The following DNER variants were observed in gnomAD, a reference collection of about 807,000 sequenced individuals.
The protein encoded by DNER is delta/notch like EGF repeat containing.
A neutral mutation model predicts 78.2 loss-of-function variants in DNER; 33 were observed. The ratio of observed to expected loss-of-function variants is 0.42; its 90% CI spans 0.32 to 0.56. The LOEUF is 0.56. DNER is among the 20% of genes least tolerant of loss of function. The probability of loss-of-function intolerance (pLI) is 0.11; values close to 1 mark genes in which losing one functional copy is unlikely to be tolerated. For synonymous variants in DNER, 417 were observed against 384.8 expected (o/e 1.08, Z -0.98); for missense variants, 918 against 975.3 (o/e 0.94, Z 0.78).
At chr2:229,366,529 G>A (rs1330592322) in intron 12 of DNER, among the ~76,000 whole-genome samples, 1 of 152,162 alleles carries the variant, frequency 6.6e-6, no homozygotes, top group Non-Finnish European at 1.5e-5. Flanking sequence ...TTGACTGTTT[G>A]AAGAGCAACA....
chr2:229,480,434 A>G (rs1168558672), intron 6 of DNER, among the ~76,000 whole-genome samples: 3 of 152,184 alleles, frequency 2.0e-5, no homozygotes, highest in Non-Finnish European at 4.4e-5. Flanking sequence ...ACTTTAAAAC[A>G]TATTTATTTA....
chr2:229,652,683 A>G (rs1422863252), intron 1 of DNER, among the ~76,000 whole-genome samples: 1 of 152,232 alleles, frequency 6.6e-6, no homozygotes, highest in East Asian at 1.9e-4. Flanking sequence ...GACAGTAGAT[A>G]TTGATGAGCT....
chr2:229,460,660 T>C (rs1694676368), intron 7 of DNER, among the ~76,000 whole-genome samples: 1 of 152,134 alleles, frequency 6.6e-6, no homozygotes, highest in African/African-American at 2.4e-5. Flanking sequence ...GTTTTTAATA[T>C]TCAAGATGCA....
chr2:229,540,527 C>G (rs1696491022), intron 5 of DNER, among the ~76,000 whole-genome samples: 2 of 152,176 alleles, frequency 1.3e-5, no homozygotes, highest in Non-Finnish European at 2.9e-5. Flanking sequence ...TGTCTCCCAA[C>G]TTGGCCACAT....
chr2:229,571,543 C>T (rs900478260), intron 4 of DNER, among the ~76,000 whole-genome samples: 1 of 152,126 alleles, frequency 6.6e-6, no homozygotes, highest in South Asian at 2.1e-4. Flanking sequence ...TCCCCAGCAG[C>T]TTCCATTCTA....
At chr2:229,483,664 A>G (rs1446297787) in intron 6 of DNER, among the ~76,000 whole-genome samples, 3 of 152,178 alleles carry the variant, frequency 2.0e-5, no homozygotes, top group South Asian at 2.1e-4. Context: ...TCTGTGCCCA[A>G]AGGACATTCT....
intron 1 of DNER, among the ~76,000 whole-genome samples, chr2:229,704,527 C>T (rs980250233): frequency 5.3e-5 from 8 of 152,300 alleles, no homozygotes; most frequent in Admixed American, 2.0e-4. Flanking sequence ...TAATAAGAAA[C>T]AAACAATTGA....
chr2:229,702,916 C>CGAA (rs1699771145), intron 1 of DNER, among the ~76,000 whole-genome samples: 1 of 103,920 alleles, frequency 9.6e-6, no homozygotes, highest in Non-Finnish European at 1.8e-5. Context: ...GACTCCGCCT[C>CGAA]AAAAAAAAAA....
chr2:229,563,618 A>ATCC (rs1697019428), intron 4 of DNER, among the ~76,000 whole-genome samples: 2 of 140,766 alleles, frequency 1.4e-5, no homozygotes, highest in Non-Finnish European at 3.1e-5. Context: ...CATCATCATC[A>ATCC]TCACCCCATC....
chr2:229,650,186 A>G (rs1458165166), intron 1 of DNER, among the ~76,000 whole-genome samples: 1 of 152,130 alleles, frequency 6.6e-6, no homozygotes, highest in Non-Finnish European at 1.5e-5. Flanking sequence ...CATTCTGACT[A>G]AGGAAATTTC....
In DNER at chr2:229,679,543, G is replaced by A. The variant is rs950370133; in HGVS notation, c.276+34605C>T. 3.3e-5 allele frequency among the ~76,000 whole-genome samples: 5 copies of A among 151,810 alleles called. No homozygotes were observed. The South Asian group carries it at 6.2e-4, about 19-fold the overall frequency. ...ATAGTCATTTGCCATAATACCTAACGTCGTCTGACAGTTTAAAACAGTGGT... is the reference window on the plus strand; with the variant it reads ...ATAGTCATTTGCCATAATACCTAACATCGTCTGACAGTTTAAAACAGTGGT... On this transcript the variant is annotated intron_variant, in intron 1 of 12. Coordinates refer to ENST00000341772, the MANE Select transcript of DNER (RefSeq NM_139072.4).
intron 1 of DNER, among the ~76,000 whole-genome samples, chr2:229,604,478 G>C (rs1258326787): frequency 6.6e-6 from 1 of 152,166 alleles, no homozygotes; most frequent in Admixed American, 6.5e-5. Context: ...CTTAAGAGAA[G>C]TTGGAGAGAG....
intron 4 of DNER, among the ~76,000 whole-genome samples, chr2:229,561,801 A>C (rs573848131): frequency 9.9e-5 from 15 of 152,250 alleles, no homozygotes; most frequent in African/African-American, 3.4e-4. Flanking sequence ...ACTGATATCT[A>C]TTCTCCTCTC....
intron 5 of DNER, among the ~76,000 whole-genome samples, chr2:229,542,415 G>A (rs965085551): frequency 1.3e-5 from 2 of 152,026 alleles, no homozygotes; most frequent in Non-Finnish European, 2.9e-5. Flanking sequence ...CCATCAGCTC[G>A]GGATTGTGAA....
chr2:229,435,901 G>T (rs987196395), intron 8 of DNER, among the ~76,000 whole-genome samples: 1 of 152,154 alleles, frequency 6.6e-6, no homozygotes, highest in African/African-American at 2.4e-5. Flanking sequence ...AATATAAACT[G>T]TTTGGTAAAA....
At chr2:229,483,401 A>T (rs1574863370) in intron 6 of DNER, among the ~76,000 whole-genome samples, 1 of 152,216 alleles carries the variant, frequency 6.6e-6, no homozygotes, top group South Asian at 2.1e-4. Context: ...GTTTAAGCTA[A>T]TCTGTGCCTA....
intron 12 of DNER, among the ~76,000 whole-genome samples, chr2:229,360,462 G>A (rs1342335047): frequency 1.3e-5 from 2 of 152,144 alleles, no homozygotes; most frequent in African/African-American, 4.8e-5. Context: ...CCAGGCTGGA[G>A]TGCAGTGGCG....
At chr2:229,602,657 A>G (rs1241550275) in intron 1 of DNER, among the ~76,000 whole-genome samples, 1 of 152,238 alleles carries the variant, frequency 6.6e-6, no homozygotes, top group Non-Finnish European at 1.5e-5. Context: ...TTGCATCTCC[A>G]TGTATCAGCA....
At chr2:229,585,653 C>A (rs1268445030) in intron 4 of DNER, among the ~76,000 whole-genome samples, 4 of 149,848 alleles carry the variant, frequency 2.7e-5, no homozygotes, top group Non-Finnish European at 1.5e-5. Flanking sequence ...GAGCGAGACT[C>A]CATCATCAAA....
Sources: allele counts gnomAD v4.1 joint callset (sites outside exome capture counted in the v4.1 genomes callset), GRCh38; gene constraint gnomAD v4.1.1; transcripts MANE v1.5; gene names NCBI Gene and HGNC (gene_info 2026-07-23, HGNC 2026-07-21).